DIAPH2: variants seen among roughly 807,000 people sequenced by gnomAD.
DIAPH2 encodes diaphanous related formin 2, also known as protein diaphanous homolog 2.
A neutral mutation model predicts 92.7 loss-of-function variants in DIAPH2; 35 were observed. The observed-to-expected ratio is 0.38, with a 90% confidence interval of 0.29 to 0.50. The LOEUF (loss-of-function observed/expected upper bound fraction) is 0.50, where lower values mean the gene tolerates loss of function less well. DIAPH2 is among the 20% of genes least tolerant of loss of function. The pLI is 0.94. For synonymous variants in DIAPH2, 301 were observed against 280.4 expected, an observed-to-expected ratio of 1.07 and a Z score of -0.73; for missense variants, 701 against 819.5, an observed-to-expected ratio of 0.86 and a Z score of 1.77.
intron 24 of DIAPH2, among the ~76,000 whole-genome samples, chrX:97,367,877 T>G (rs2147713607): frequency 9.0e-6 from 1 of 110,996 alleles, no homozygotes; most frequent in Non-Finnish European, 1.9e-5. Flanking sequence ...TAATTTTTTT[T>G]GTATTTTTAG....
At chrX:96,807,933 T>A (rs1224608719) in intron 4 of DIAPH2, among the ~76,000 whole-genome samples, 1 of 44,881 alleles carries the variant, frequency 2.2e-5, no homozygotes, top group Admixed American at 3.2e-4. Flanking sequence ...GATTTGGTAT[T>A]GTAGAAATAG....
intron 4 of DIAPH2, among the ~76,000 whole-genome samples, chrX:96,794,917 C>T (rs1170654052): frequency 8.9e-6 from 1 of 111,911 alleles, no homozygotes; most frequent in Non-Finnish European, 1.9e-5. Flanking sequence ...CTGCATAACT[C>T]CAATCTTTTC....
At chrX:96,767,163 T>A (rs2064309412) in intron 4 of DIAPH2, among the ~76,000 whole-genome samples, 1 of 111,608 alleles carries the variant, frequency 9.0e-6, no homozygotes, top group Non-Finnish European at 1.9e-5. Context: ...TAGTTCCTAT[T>A]TCTTTATATA....
intron 22 of DIAPH2, among the ~76,000 whole-genome samples, chrX:97,158,751 C>T (rs1399356296): frequency 2.7e-5 from 3 of 112,042 alleles, no homozygotes; most frequent in East Asian, 2.8e-4. Context: ...CTTTGCAAAT[C>T]GGAATTTGCT....
intron 4 of DIAPH2, among the ~76,000 whole-genome samples, chrX:96,856,438 GT>G (rs58720970): frequency 0.061 from 5,639 of 92,800 alleles, 156 homozygotes; most frequent in Middle Eastern, 0.16. Flanking sequence ...AGAATTCAAG[GT>G]TTTTTTTTTT....
chrX:97,119,322 ATTG>A (rs2067038516), intron 21 of DIAPH2, among the ~76,000 whole-genome samples: 1 of 110,542 alleles, frequency 9.0e-6, no homozygotes, highest in Admixed American at 9.6e-5. Flanking sequence ...AGCTGCAGTG[ATTG>A]TTGTCTCTCT....
At chrX:97,183,200 G>T (rs139308173) in intron 22 of DIAPH2, among the ~76,000 whole-genome samples, 2 of 111,452 alleles carry the variant, frequency 1.8e-5, no homozygotes, top group Non-Finnish European at 3.8e-5. Context: ...TCAGTTTGGG[G>T]TATGCACTTG....
intron 15 of DIAPH2, among the ~76,000 whole-genome samples, chrX:96,949,687 C>CAAAAAAAAAA (rs1167294262): frequency 8.2e-4 from 33 of 40,297 alleles, no homozygotes; most frequent in Non-Finnish European, 9.0e-4. Context: ...ACTAAAAATA[C>CAAAAAAAAAA]AAAAAAAAAA....
chrX:97,591,525 C>T (rs1304116178), intron 26 of DIAPH2, among the ~76,000 whole-genome samples: 1 of 111,660 alleles, frequency 9.0e-6, no homozygotes, highest in South Asian at 3.8e-4. Flanking sequence ...ATTCAAGGAT[C>T]AGTTTCTGAT....
intron 23 of DIAPH2, among the ~76,000 whole-genome samples, chrX:97,264,300 A>T (rs1314916255): frequency 9.0e-6 from 1 of 111,405 alleles, no homozygotes; most frequent in African/African-American, 3.3e-5. Flanking sequence ...AGAAGGTCAC[A>T]TAGGTGCTCT....
chrX:96,976,659 TAA>T (rs2065964074), intron 17 of DIAPH2, among the ~76,000 whole-genome samples: 1 of 110,975 alleles, frequency 9.0e-6, no homozygotes, highest in South Asian at 3.8e-4. Context: ...TGTTTAAGTA[TAA>T]GTCACCAATT....
chrX:97,394,750 G>A (rs772057048), intron 25 of DIAPH2, among the ~76,000 whole-genome samples: 5 of 112,238 alleles, frequency 4.5e-5, no homozygotes, highest in Non-Finnish European at 9.4e-5. Flanking sequence ...ATATTGAGAT[G>A]CAAAGAGGAG....
At chrX:97,383,252 A>G (rs1371790341) in intron 24 of DIAPH2, among the ~76,000 whole-genome samples, 6 of 111,670 alleles carry the variant, frequency 5.4e-5, no homozygotes, top group African/African-American at 2.0e-4. Flanking sequence ...CTGTGATAAT[A>G]CTGTTGATTG....
chrX:96,749,152 A>T (rs983959775), intron 3 of DIAPH2, among the ~76,000 whole-genome samples: 65 of 96,095 alleles, frequency 6.8e-4, no homozygotes, highest in Non-Finnish European at 1.2e-3. Flanking sequence ...AAAAATATAT[A>T]TATATATATA....
intron 26 of DIAPH2, among the ~76,000 whole-genome samples, chrX:97,584,019 G>A (rs867120751): frequency 3.0e-4 from 34 of 112,643 alleles, no homozygotes; most frequent in Non-Finnish European, 4.1e-4. Flanking sequence ...GCAATGCCTC[G>A]CCCTGCTTTG....
At chrX:96,870,413 C>T (rs1171032483) in intron 4 of DIAPH2, among the ~76,000 whole-genome samples, 2 of 104,460 alleles carry the variant, frequency 1.9e-5, no homozygotes, top group African/African-American at 7.1e-5. Flanking sequence ...AGACGCCCAT[C>T]ACCATGCCCA....
At chrX:96,695,288 A>C (rs1393107771) in intron 1 of DIAPH2, among the ~76,000 whole-genome samples, 1 of 112,430 alleles carries the variant, frequency 8.9e-6, no homozygotes, top group Non-Finnish European at 1.9e-5. Context: ...GGGAAGAATA[A>C]GTTTATGATT....
intron 23 of DIAPH2, among the ~76,000 whole-genome samples, chrX:97,263,608 A>T (rs1256882860): frequency 1.9e-5 from 2 of 105,511 alleles, no homozygotes; most frequent in African/African-American, 6.9e-5. Context: ...TATTTTTGAG[A>T]CAGAGTCTTG....
chrX:97,001,622 G>C (rs1277675086), intron 17 of DIAPH2, among the ~76,000 whole-genome samples: 1 of 110,950 alleles, frequency 9.0e-6, no homozygotes, highest in Non-Finnish European at 1.9e-5. Flanking sequence ...CTCCAGCCCG[G>C]GCAACAATGT....
Sources: gnomAD v4.1 joint callset for allele counts (sites outside exome capture counted in the v4.1 genomes callset) on GRCh38, gnomAD v4.1.1 for gene constraint, MANE v1.5 for transcripts, NCBI Gene and HGNC (gene_info 2026-07-23, HGNC 2026-07-21) for gene names.